Variants in ASTN2 observed in about 807,000 individuals in gnomAD.
The protein encoded by ASTN2 is astrotactin 2.
Under a neutral mutation model 139.8 loss-of-function variants are expected in ASTN2, and 54 were observed. The ratio of observed to expected loss-of-function variants is 0.39; its 90% CI spans 0.31 to 0.48. The LOEUF is 0.48. Ranked by LOEUF, ASTN2 falls within the 20% of genes least tolerant of loss-of-function variation. The pLI is 0.95. For synonymous variants in ASTN2, 756 were observed against 719.5 expected (o/e 1.05, Z -0.81); for missense variants, 1,565 against 1,725.1 (o/e 0.91, Z 1.64).
Position 116,515,170 on chromosome 9 carries a change from G to A in ASTN2, c.3356-27670C>T, listed in dbSNP as rs148933820. 3.3e-3 allele frequency among the ~76,000 whole-genome samples: 508 copies of A among 152,254 alleles called. 3 individuals are homozygous for A. Among genetic ancestry groups the A allele is most frequent in the African/African-American group, 0.012 (485 of 41,534 alleles). On this transcript the variant is annotated intron_variant, in intron 19 of 22. Transcript: ENST00000313400. ...CTCTGAATTTTTAAACATGCTCCCC[G>A]ATAAGGTGAATTCTCATTTGGATAT...
intron 6 of ASTN2, among the ~76,000 whole-genome samples, chr9:117,010,957 G>A (rs949318325): frequency 6.6e-5 from 10 of 152,096 alleles, no homozygotes; most frequent in Non-Finnish European, 1.0e-4. Flanking sequence ...TTCAAAGGAA[G>A]GCATTTCTCA....
At chr9:117,105,251 G>A (rs543307882) in intron 4 of ASTN2, among the ~76,000 whole-genome samples, 2 of 152,222 alleles carry the variant, frequency 1.3e-5, no homozygotes, top group African/African-American at 4.8e-5. Flanking sequence ...AACCTGAAAA[G>A]CAATAAAGCT....
chr9:117,380,708 A>G (rs903398539), intron 1 of ASTN2, among the ~76,000 whole-genome samples: 2 of 152,138 alleles, frequency 1.3e-5, no homozygotes, highest in African/African-American at 4.8e-5. Flanking sequence ...GGTAAGCATG[A>G]ACTAGGCAAA....
chr9:116,437,287 T>A, intron 22 of ASTN2: 1 of 471,080 alleles, frequency 2.1e-6, no homozygotes, highest in South Asian at 1.5e-5. Flanking sequence ...GAGCCCAGGG[T>A]TGCACAGTGA....
chr9:117,224,822 GA>G (rs1832649452), intron 2 of ASTN2, among the ~76,000 whole-genome samples: 1 of 152,132 alleles, frequency 6.6e-6, no homozygotes, highest in South Asian at 2.1e-4. Context: ...TGTGGGTCAT[GA>G]GTTCTCTGAA....
At chr9:116,610,456 T>C (rs1327698295) in intron 19 of ASTN2, among the ~76,000 whole-genome samples, 1 of 151,934 alleles carries the variant, frequency 6.6e-6, no homozygotes, top group Non-Finnish European at 1.5e-5. Context: ...AATACAAAAA[T>C]TAGCTGGGGT....
intron 1 of ASTN2, among the ~76,000 whole-genome samples, chr9:117,312,180 C>T (rs1001258044): frequency 1.1e-4 from 17 of 152,130 alleles, no homozygotes; most frequent in African/African-American, 4.1e-4. Flanking sequence ...TCTCTTGTTG[C>T]TAATATATTC....
chr9:117,101,888 G>C (rs963811405), intron 4 of ASTN2, among the ~76,000 whole-genome samples: 2 of 152,204 alleles, frequency 1.3e-5, no homozygotes, highest in African/African-American at 4.8e-5. Flanking sequence ...AGCAGATGTT[G>C]GTGAGGTTGT....
intron 19 of ASTN2, among the ~76,000 whole-genome samples, chr9:116,562,698 T>A (rs1852976872): frequency 7.2e-6 from 1 of 138,250 alleles, no homozygotes; most frequent in Non-Finnish European, 1.5e-5. Context: ...GCCATTGCAC[T>A]GCAGCCTGGG....
At chr9:117,329,024 T>G (rs531771464) in intron 1 of ASTN2, among the ~76,000 whole-genome samples, 1 of 152,228 alleles carries the variant, frequency 6.6e-6, no homozygotes, top group South Asian at 2.1e-4. Flanking sequence ...AAATGTGGCC[T>G]CTTGCTGTAG....
At chr9:116,803,100 A>C (rs964760545) in intron 13 of ASTN2, among the ~76,000 whole-genome samples, 5 of 152,224 alleles carry the variant, frequency 3.3e-5, no homozygotes, top group Non-Finnish European at 5.9e-5. Flanking sequence ...GTCATCTTGC[A>C]AGCTTTTAAA....
At chr9:116,674,611 C>T (rs972393424) in intron 16 of ASTN2, among the ~76,000 whole-genome samples, 7 of 152,346 alleles carry the variant, frequency 4.6e-5, no homozygotes, top group Admixed American at 4.6e-4. Context: ...ACTAGGCTGC[C>T]TTCAGCCAAA....
intron 1 of ASTN2, 25 bp from the exon 2 acceptor site, chr9:117,291,538 G>T (rs188955790): frequency 6.4e-7 from 1 of 1,567,754 alleles, no homozygotes; most frequent in Non-Finnish European, 8.7e-7. Flanking sequence ...CCGAGGCACT[G>T]GGTGAGCCGT....
chr9:117,034,483 G>A (rs960860815), intron 6 of ASTN2, among the ~76,000 whole-genome samples: 1 of 152,100 alleles, frequency 6.6e-6, no homozygotes, highest in Non-Finnish European at 1.5e-5. Context: ...CAAAGGTGGA[G>A]GAAACCAAAG....
At chr9:116,473,947 G>A (rs1453310731) in intron 20 of ASTN2, among the ~76,000 whole-genome samples, 1 of 151,986 alleles carries the variant, frequency 6.6e-6, no homozygotes, top group Non-Finnish European at 1.5e-5. Flanking sequence ...TATGTACTTG[G>A]TATGTGTTTA....
rs148597924 is a variant in ASTN2, at chr9:117,017,073, G to A, written c.1424-8814C>T. Among the ~76,000 whole-genome samples the A allele has an allele frequency of 1.8e-3, 281 of 151,932 alleles. 3 individuals carry two copies. In the Middle Eastern group the frequency reaches 0.071, roughly 39 times the overall value. ...TGAGTCTGGACAAAAAAGGTTTGAA[G>A]TTTTGACGTTTCAAAAAAGTATCTT... is the stretch of plus-strand genomic sequence containing the variant. On this transcript the variant is annotated intron_variant, in intron 6 of 22. Coordinates refer to ENST00000313400, the MANE Select transcript of ASTN2 (RefSeq NM_001365068.1).
chr9:116,733,508 G>A lies in ASTN2; in HGVS notation c.2412C>T (p.Ile804=), dbSNP rs773749491. The stretch of plus-strand genomic sequence containing the variant: ...CATCGGCCAGCTGGGGAAAGTCCTT[G>A]ATGAAGTTGTTCTCCCTGTGGAGAG... ...FQMTFRENNF[I]KDFPQLADGL... The change falls in exon 14 of 23, where the codon ATC becomes ATT. Residue 804 remains isoleucine (I), a synonymous_variant. Coordinates refer to ENST00000313400, the MANE Select transcript of ASTN2 (RefSeq NM_001365068.1). 1.9e-6 allele frequency: 3 copies of A among 1,614,196 alleles called. No homozygotes were observed. The South Asian group carries it at 3.3e-5, about 18-fold the overall frequency.
At chr9:116,506,881 C>T (rs1850135017) in intron 19 of ASTN2, among the ~76,000 whole-genome samples, 1 of 152,160 alleles carries the variant, frequency 6.6e-6, no homozygotes, top group African/African-American at 2.4e-5. Context: ...GGGCTGTGCT[C>T]TGACTTGCTT....
chr9:116,919,696 C>A (rs548384345), intron 10 of ASTN2, among the ~76,000 whole-genome samples: 2 of 144,810 alleles, frequency 1.4e-5, no homozygotes, highest in Non-Finnish European at 3.0e-5. Flanking sequence ...CTGTAATCAG[C>A]CCTTTAGGAG....
Sources: gnomAD v4.1 joint callset for allele counts (sites outside exome capture counted in the v4.1 genomes callset) on GRCh38, gnomAD v4.1.1 for gene constraint, MANE v1.5 for transcripts, NCBI Gene and HGNC (gene_info 2026-07-23, HGNC 2026-07-21) for gene names.